DHX36: variants seen among roughly 807,000 people sequenced by gnomAD.
DHX36 encodes DEAH-box helicase 36, also known as ATP-dependent DNA/RNA helicase DHX36.
Under a neutral mutation model 139.0 loss-of-function variants are expected in DHX36, and 50 were observed. The observed-to-expected ratio is 0.36, with a 90% confidence interval of 0.29 to 0.46. The LOEUF (loss-of-function observed/expected upper bound fraction) is 0.46, where lower values mean the gene tolerates loss of function less well. Ranked by LOEUF, DHX36 falls within the 20% of genes least tolerant of loss-of-function variation. The pLI is 1.00. For synonymous variants in DHX36, 425 were observed against 401.9 expected (o/e 1.06, Z -0.69); for missense variants, 1,024 against 1,211.3 (o/e 0.85, Z 2.29).
chr3:154,321,254 C>A (rs530847156), intron 1 of DHX36, among the ~76,000 whole-genome samples: 4 of 152,192 alleles, frequency 2.6e-5, no homozygotes, highest in Non-Finnish European at 5.9e-5. Context: ...CTAACCTCAT[C>A]TCAATACACT....
intron 17 of DHX36, 41 bp from the exon 18 acceptor site, chr3:154,285,028 G>A (rs1711507397): frequency 6.3e-7 from 1 of 1,596,608 alleles, no homozygotes; most frequent in Non-Finnish European, 8.6e-7. Context: ...ATCCTGTAAA[G>A]CATTACATTT....
chr3:154,304,733 C>G (rs1338133326), intron 8 of DHX36, 73 bp downstream of exon 8: 10 of 1,141,052 alleles, frequency 8.8e-6, no homozygotes, highest in Non-Finnish European at 1.1e-5. Flanking sequence ...TACTCTTTAC[C>G]TAGTACCATA....
Position 154,307,056 on chromosome 3 carries a change from T to C in DHX36, c.814-761A>G, listed in dbSNP as rs554885499. On this transcript the variant is annotated intron_variant, in intron 5 of 24. Coordinates refer to ENST00000496811, the MANE Select transcript of DHX36 (RefSeq NM_020865.3). ...ATTAGTGAAAATATTTAAGTCTAGC[T>C]ACAAAAGTGTGTTATGACAAAAGTG... Among the ~76,000 whole-genome samples the C allele has an allele frequency of 1.9e-3, 284 of 152,264 alleles. 2 individuals carry two copies. The highest frequency in any genetic ancestry group is 3.1e-3 in the Admixed American group (48 of 15,300).
intron 2 of DHX36, 71 bp from the exon 3 acceptor site, chr3:154,315,351 AACAAT>A: frequency 9.6e-7 from 1 of 1,037,942 alleles, no homozygotes; most frequent in East Asian, 2.4e-5. Context: ...AACAAAACAA[AACAAT>A]ACGCTGTTGA....
chr3:154,306,258 C>T lies in DHX36; in HGVS notation c.851G>A (p.Cys284Tyr). The change falls in exon 6 of 25, where the codon TGT becomes TAT. Residue 284 changes from cysteine to tyrosine, a missense_variant. Transcript: ENST00000496811. ...ERVAAERAES[C>Y]GSGNSTGYQI... ...ATATCCAGTACTATTACCACTGCCA[C>T]AAGATTCTGCCCTTTCTGCAGCTAC... 2 of 1,613,750 alleles carry T rather than the reference C, an allele frequency of 1.2e-6. No homozygotes were observed. Among genetic ancestry groups the T allele is most frequent in the Non-Finnish European group, 1.7e-6 (2 of 1,179,856 alleles).
intron 13 of DHX36, among the ~76,000 whole-genome samples, chr3:154,294,191 T>A (rs1038450077): frequency 6.6e-6 from 1 of 152,084 alleles, no homozygotes; most frequent in African/African-American, 2.4e-5. Context: ...CACTGAATAA[T>A]CAGGCAGATG....
chr3:154,317,009 G>A (rs1713014296), intron 1 of DHX36, among the ~76,000 whole-genome samples: 1 of 151,960 alleles, frequency 6.6e-6, no homozygotes, highest in Non-Finnish European at 1.5e-5. Context: ...AAGAACCAAA[G>A]GAGGAGGAAG....
chr3:154,311,813 T>A, intron 3 of DHX36, 139 bp from the exon 4 acceptor site: 1 of 568,066 alleles, frequency 1.8e-6, no homozygotes, highest in Non-Finnish European at 2.9e-6. Context: ...GTAAAAACAT[T>A]ATAAAGAATA....
chr3:154,295,248 TG>T, intron 13 of DHX36, 35 bp downstream of exon 13: 1 of 1,364,674 alleles, frequency 7.3e-7, no homozygotes. Flanking sequence ...TGCCTCAGTT[TG>T]AAATACATTT....
chr3:154,285,963 C>T (rs1184088015), intron 17 of DHX36, among the ~76,000 whole-genome samples: 2 of 151,330 alleles, frequency 1.3e-5, no homozygotes, highest in Admixed American at 6.6e-5. Flanking sequence ...AAAATAATGG[C>T]AAATTGAATG....
chr3:154,303,386 G>C lies in DHX36; in HGVS notation c.1160C>G (p.Pro387Arg), dbSNP rs1388826508. 1 of 1,605,642 alleles carries C rather than the reference G, an allele frequency of 6.2e-7. No individual in the cohort carries two copies. The highest frequency in any genetic ancestry group is 1.3e-5 in the African/African-American group (1 of 74,548). ...TTCCACAACCGGAAAGGTAAAACCA[G>C]GTATATGTATCATTGGACAGTTACC... ...YFGNCPMIHIPGFTFPVVEYL... is the reference protein window; with the variant it reads ...YFGNCPMIHIRGFTFPVVEYL... The change falls in exon 9 of 25, where the codon CCT becomes CGT. Residue 387 changes from proline to arginine, a missense_variant. This residue lies in a region of DHX36 where 146 missense variants were observed against 215.0 expected (regional missense o/e 0.68). Transcript: ENST00000496811.
At position 154,288,902 on chromosome 3, in the gene DHX36, C is replaced by T; in HGVS notation, c.1995G>A (p.Glu665=). Residue 665 remains glutamate, a synonymous_variant, in exon 17 of 25, where the codon GAG becomes GAA. Transcript: ENST00000496811. The stretch of plus-strand genomic sequence containing the variant: ...GGTGTCTTATGGAGAGTAACACTGC[C>T]TCATTTGATGGTGGGTCCATTAATC... ...LSRLMDPPSN[E]AVLLSIRHLM... The T allele has an allele frequency of 6.3e-7, 1 of 1,592,718 alleles. No individual in the cohort carries two copies. Among genetic ancestry groups the T allele is most frequent in the Non-Finnish European group, 8.6e-7 (1 of 1,168,646 alleles).
At chr3:154,317,508 G>C (rs1206019810) in intron 1 of DHX36, among the ~76,000 whole-genome samples, 9 of 151,934 alleles carry the variant, frequency 5.9e-5, no homozygotes, top group Admixed American at 5.9e-4. Flanking sequence ...GCCAAGGCAA[G>C]AAAATAAGTC....
intron 1 of DHX36, among the ~76,000 whole-genome samples, chr3:154,323,017 TAA>T (rs1185619390): frequency 4.0e-5 from 6 of 151,874 alleles, no homozygotes; most frequent in Admixed American, 6.6e-5. Flanking sequence ...TTAAAAGAAA[TAA>T]AAAGAAATGG....
At chr3:154,302,797 G>A (rs565871596) in intron 9 of DHX36, among the ~76,000 whole-genome samples, 1 of 152,286 alleles carries the variant, frequency 6.6e-6, no homozygotes, top group South Asian at 2.1e-4. Flanking sequence ...ACTGACACCA[G>A]CCAGGCGTGG....
chr3:154,299,290 T>C (rs1300019421), intron 12 of DHX36, among the ~76,000 whole-genome samples: 1 of 152,146 alleles, frequency 6.6e-6, no homozygotes, highest in African/African-American at 2.4e-5. Context: ...AAAATTATAT[T>C]CAGAACTGTA....
intron 5 of DHX36, among the ~76,000 whole-genome samples, 154 bp downstream of exon 5, chr3:154,309,499 T>G (rs773122634): frequency 1.4e-4 from 21 of 152,198 alleles, no homozygotes; most frequent in Non-Finnish European, 2.5e-4. Flanking sequence ...CTCAATTTTT[T>G]GGGCTTTATT....
chr3:154,303,069 T>C (rs1473158592), intron 9 of DHX36, among the ~76,000 whole-genome samples: 1 of 152,062 alleles, frequency 6.6e-6, no homozygotes, highest in Non-Finnish European at 1.5e-5. Flanking sequence ...AGAGAGAGAC[T>C]CTGTCTCAAT....
Position 154,300,577 on chromosome 3 carries a change from A to T in DHX36, c.1461+17T>A. On this transcript the variant is annotated intron_variant, in intron 11 of 24. Transcript: ENST00000496811. ...AATTAAAATTATGTTAACTGAAGAA[A>T]GAAAAATAAAACTAACCTCTTCTTC... The T allele has an allele frequency of 6.3e-7, 1 of 1,590,890 alleles. No homozygotes were observed. Among genetic ancestry groups the T allele is most frequent in the Non-Finnish European group, 8.6e-7 (1 of 1,163,140 alleles).
Sources: gnomAD v4.1 joint callset for allele counts (sites outside exome capture counted in the v4.1 genomes callset) on GRCh38, gnomAD v4.1.1 for gene constraint, gnomAD v4.1.1 regional missense constraint, MANE v1.5 for transcripts, NCBI Gene and HGNC (gene_info 2026-07-23, HGNC 2026-07-21) for gene names.